Variants in SNX20 observed in about 807,000 individuals in gnomAD.
SNX20 encodes the protein sorting nexin-20.
SNX20 carries 21 observed loss-of-function variants against 24.5 expected under a neutral mutation model. The observed-to-expected ratio is 0.86, with a 90% CI of 0.61 to 1.23. SNX20 has a LOEUF of 1.23. Ranked by LOEUF, SNX20 falls within the 50% of genes most tolerant of loss-of-function variation. The pLI, the probability that SNX20 is intolerant of heterozygous loss-of-function variation, is 0.00. For synonymous variants in SNX20, 206 were observed against 192.8 expected (o/e 1.07, Z -0.57); for missense variants, 433 against 430.8 (o/e 1.00, Z -0.04).
chr16:50,668,712 G>T (rs1461955671), downstream of SNX20: 1 of 1,083,438 alleles, frequency 9.2e-7, no homozygotes, highest in African/African-American at 1.7e-5. Context: ...ACGTGGCTGG[G>T]CACAGCTTGG....
downstream of SNX20, chr16:50,669,470 CA>C (rs1447658762): frequency 4.1e-6 from 1 of 242,472 alleles, no homozygotes; most frequent in African/African-American, 2.2e-5. Flanking sequence ...GGGAGGGCAC[CA>C]AGCCATCCAT....
In SNX20 at chr16:50,677,460, T is replaced by C. The variant is rs1596797631; in HGVS notation, c.67A>G (p.Thr23Ala). ...CCAGTGGCTGGTGCTTCCTGCTGGG[T>C]CCTTGCCGTGCACTGGGTTATGGGT... ...MGPITQCTAR[T>A]QQEAPATGPD... The change falls in exon 2 of 4, where the codon ACC becomes GCC. Residue 23 changes from threonine (T) to alanine (A), a missense_variant. Coordinates refer to ENST00000330943, the MANE Select transcript of SNX20 (RefSeq NM_182854.4). 1.9e-6 allele frequency: 3 copies of C among 1,610,070 alleles called. No individual in the cohort carries two copies. Among genetic ancestry groups the C allele is most frequent in the East Asian group, 2.2e-5 (1 of 44,594 alleles).
At chr16:50,678,135 G>C (rs1248526589) in intron 1 of SNX20, among the ~76,000 whole-genome samples, 1 of 152,204 alleles carries the variant, frequency 6.6e-6, no homozygotes, top group African/African-American at 2.4e-5. Flanking sequence ...CCAAGAGACT[G>C]AGGCTGCAGT....
At chr16:50,674,357 T>C (rs975945625) in intron 3 of SNX20, among the ~76,000 whole-genome samples, 6 of 152,032 alleles carry the variant, frequency 3.9e-5, no homozygotes, top group Non-Finnish European at 8.8e-5. Context: ...TCAATTGACC[T>C]GCCCACCTGA....
In SNX20 at chr16:50,673,520, C is replaced by T. The variant is rs751323411; in HGVS notation, c.837G>A (p.Ala279=). ...LLDAMVRLAY[A]LGKDFVTLQE... ...GCAGAGTCACGAAGTCCTTGCCCAG[C>T]GCGTAGGCCAGGCGGACCATGGCGT... Residue 279 remains alanine (A), a synonymous_variant, in exon 4 of 4, where the codon GCG becomes GCA. Coordinates refer to ENST00000330943, the MANE Select transcript of SNX20 (RefSeq NM_182854.4). The surrounding 1 kb of genome is among the most constrained non-coding windows in gnomAD (Gnocchi z 4.1). 3.1e-6 allele frequency: 5 copies of T among 1,609,998 alleles called. No homozygotes were observed. In the East Asian group the frequency reaches 6.7e-5, roughly 22 times the overall value.
chr16:50,675,769 C>A lies in SNX20; in HGVS notation c.282+1G>T, dbSNP rs759839945. The A allele has an allele frequency of 6.2e-7, 1 of 1,612,720 alleles. No individual in the cohort carries two copies. On this transcript the variant is annotated splice_donor_variant, in intron 3 of 3. Transcript: ENST00000330943. LOFTEE classifies it high-confidence loss of function. ...TCCACCATTTCCCAATCTCTGCTTA[C>A]CACAAACTTAGAGACTTTTCTCTCC...
At chr16:50,668,358 CTT>C, downstream of SNX20, 1 of 1,135,770 alleles carries the variant, frequency 8.8e-7, no homozygotes, top group South Asian at 2.0e-5. Context: ...GTCTCTCTCT[CTT>C]TTAACAAAAG....
downstream of SNX20, chr16:50,669,124 T>TGA: frequency 1.4e-6 from 2 of 1,438,022 alleles, no homozygotes; most frequent in Non-Finnish European, 1.9e-6. Flanking sequence ...GGATAAGTCA[T>TGA]CTCTCCAGGC....
At position 50,674,229 on chromosome 16, in the gene SNX20, G is replaced by GTTTGTTTA. The variant is rs1555495577; in HGVS notation, c.283-156_283-155insTAAACAAA. 7.5e-3 allele frequency among the ~76,000 whole-genome samples: 982 copies of GTTTGTTTA among 131,094 alleles called. 7 individuals carry two copies. Among genetic ancestry groups the GTTTGTTTA allele is most frequent in the African/African-American group, 0.03 (809 of 26,904 alleles). The allele number at this position is 131,094 out of a possible 152,430, so 86.0% of individuals were successfully genotyped here. ...TGTTTGTTTGTTTGTTTGTTTGTTT[G>GTTTGTTTA]TTTATTTATTTATTTATTTATTTAT... On this transcript the variant is annotated intron_variant, in intron 3 of 3. Coordinates refer to ENST00000330943, the MANE Select transcript of SNX20 (RefSeq NM_182854.4).
chr16:50,677,893 T>C (rs1963220446), intron 1 of SNX20, among the ~76,000 whole-genome samples: 1 of 152,232 alleles, frequency 6.6e-6, no homozygotes. Context: ...CTCAGTTTTA[T>C]GTTACACATG....
At position 50,673,254 on chromosome 16, in the gene SNX20, T is replaced by C. The variant is rs977361220; in HGVS notation, c.*152A>G. ...AGTTTGAGGCTGCAGTGAGACATAATTGAGCCACTGCACTTCAGTCTGGGT... is the reference window on the plus strand; with the variant it reads ...AGTTTGAGGCTGCAGTGAGACATAACTGAGCCACTGCACTTCAGTCTGGGT... On this transcript the variant is annotated 3_prime_UTR_variant, in exon 4 of 4. Coordinates refer to ENST00000330943, the MANE Select transcript of SNX20 (RefSeq NM_182854.4). This position sits in a 1 kb window ranked among gnomAD's most constrained non-coding sequence, Gnocchi z 4.1. 270 of 1,245,792 alleles carry C rather than the reference T, an allele frequency of 2.2e-4. No homozygotes were observed. Among genetic ancestry groups the C allele is most frequent in the Non-Finnish European group, 2.7e-4 (262 of 982,244 alleles). The allele number at this position is 1,245,792 out of a possible 1,614,324, so 77.2% of individuals were successfully genotyped here. A position where few individuals can be genotyped will look rare whatever the true frequency, so the allele number is the denominator to read the frequency against.
At position 50,673,618 on chromosome 16, in the gene SNX20, A is replaced by T; in HGVS notation, c.739T>A (p.Phe247Ile). 6 of 1,568,906 alleles carry T rather than the reference A, an allele frequency of 3.8e-6. No individual in the cohort carries two copies. The highest frequency in any genetic ancestry group is 5.1e-6 in the Non-Finnish European group (6 of 1,165,462). ...HRDLDRPAEA[F>I]AAGERALQRL... ...TGCAGGGCCCTCTCTCCGGCCGCGA[A>T]GGCCTCGGCGGGGCGGTCGAGGTCG... The change falls in exon 4 of 4, where the codon TTC (phenylalanine) becomes ATC (isoleucine). Residue 247 changes from phenylalanine to isoleucine, a missense_variant. Physicochemically the swap from Phe to Ile is conservative, Grantham distance 21 (BLOSUM62 0). Transcript: ENST00000330943. This position sits in a 1 kb window ranked among gnomAD's most constrained non-coding sequence, Gnocchi z 4.1.
At chr16:50,676,359 G>T (rs949928684) in intron 2 of SNX20, among the ~76,000 whole-genome samples, 7 of 152,088 alleles carry the variant, frequency 4.6e-5, no homozygotes, top group Admixed American at 1.3e-4. Flanking sequence ...CAGTGAGGAG[G>T]ATGTTATGTT....
chr16:50,676,435 G>A (rs551145129), intron 2 of SNX20, among the ~76,000 whole-genome samples: 5 of 152,188 alleles, frequency 3.3e-5, no homozygotes, highest in East Asian at 3.9e-4. Flanking sequence ...GGCTCTTCTC[G>A]GACGTGCACT....
At chr16:50,675,945 A>T (rs770013408) in intron 2 of SNX20, 24 bp from the exon 3 acceptor site, 53 of 1,578,870 alleles carry the variant, frequency 3.4e-5, no homozygotes, top group Non-Finnish European at 4.5e-5. Context: ...ACCCTTAAGG[A>T]TCTGCACCCT....
intron 3 of SNX20, among the ~76,000 whole-genome samples, chr16:50,674,808 A>T (rs928336544): frequency 6.6e-6 from 1 of 152,232 alleles, no homozygotes; most frequent in Non-Finnish European, 1.5e-5. Flanking sequence ...GTTATATGGT[A>T]AGAAAATCAA....
At position 50,673,347 on chromosome 16, in the gene SNX20, C is replaced by T; in HGVS notation, c.*59G>A. 7.1e-7 allele frequency: 1 copy of T among 1,413,100 alleles called. No individual in the cohort carries two copies. The highest frequency in any genetic ancestry group is 2.8e-5 in the Admixed American group (1 of 35,324). The allele number at this position is 1,413,100 out of a possible 1,614,324, so 87.5% of individuals were successfully genotyped here. Reference sequence around the variant, plus strand: ...AATAAAAAAAAAGAACCCCAAACAGCCCACTGTGAGCCATGGTGACCCCAA... The same window carrying T: ...AATAAAAAAAAAGAACCCCAAACAGTCCACTGTGAGCCATGGTGACCCCAA... On this transcript the variant is annotated 3_prime_UTR_variant, in exon 4 of 4. Coordinates refer to ENST00000330943, the MANE Select transcript of SNX20 (RefSeq NM_182854.4). The surrounding 1 kb of genome is among the most constrained non-coding windows in gnomAD (Gnocchi z 4.1).
chr16:50,673,850 G>C lies in SNX20; in HGVS notation c.507C>G (p.Tyr169Ter), dbSNP rs746432403. Residue 169 changes from tyrosine to a stop codon, truncating the protein, a stop_gained, in exon 4 of 4, where the codon TAC (tyrosine) becomes TAG (stop). Transcript: ENST00000330943. LOFTEE classifies it high-confidence loss of function. The surrounding 1 kb of genome is among the most constrained non-coding windows in gnomAD (Gnocchi z 4.1). ...GGGAGCGGCGCACGCAGCGGATGGC[G>C]TAGAGCAGGCCCAGGTACTCCTGCA... ...RALQEYLGLL[Y>*]AIRCVRRSRE... 1.2e-6 allele frequency: 2 copies of C among 1,603,496 alleles called. No individual in the cohort carries two copies. The highest frequency in any genetic ancestry group is 4.5e-5 in the East Asian group (2 of 44,652).
At chr16:50,679,975 G>A (rs749529575) in intron 1 of SNX20, among the ~76,000 whole-genome samples, 1 of 152,242 alleles carries the variant, frequency 6.6e-6, no homozygotes, top group Non-Finnish European at 1.5e-5. Context: ...CAGAGACCCT[G>A]TAAGACCCTA....
Sources: allele counts gnomAD v4.1 joint callset (sites outside exome capture counted in the v4.1 genomes callset), GRCh38; gene constraint gnomAD v4.1.1; non-coding constraint Gnocchi (gnomAD v3.1); transcripts MANE v1.5; gene names NCBI Gene and HGNC (gene_info 2026-07-23, HGNC 2026-07-21).